Variants in DPP6 observed in about 807,000 individuals in gnomAD.
DPP6 encodes A-type potassium channel modulatory protein DPP6.
In DPP6, 69 loss-of-function variants were observed where a neutral mutation model predicts 122.6. The ratio of observed to expected loss-of-function variants is 0.56; its 90% CI spans 0.46 to 0.69. The LOEUF is 0.69. Among genes scored for constraint, DPP6 ranks in the 30% least tolerant of loss-of-function variants. The pLI is 0.00. For missense variants in DPP6, 928 were observed against 1,116.9 expected (o/e 0.83, Z 2.41); for synonymous variants, 418 against 433.1 (o/e 0.97, Z 0.43).
intron 1 of DPP6, among the ~76,000 whole-genome samples, chr7:154,396,361 C>T (rs1815085594): frequency 1.3e-5 from 2 of 152,134 alleles, no homozygotes. Context: ...TGTGCCTGCA[C>T]TTGTGAGAGC....
At chr7:153,816,471 T>C in the DPP6 span, among the ~76,000 whole-genome samples, 1 of 152,204 alleles carries the variant, frequency 6.6e-6, no homozygotes, top group African/African-American at 2.4e-5. Context: ...GTTTCCCTTA[T>C]GATTAAATAT....
chr7:154,259,062 G>T (rs1175146524), intron 1 of DPP6, among the ~76,000 whole-genome samples: 2 of 152,198 alleles, frequency 1.3e-5, no homozygotes, highest in African/African-American at 4.8e-5. Context: ...AGACATGGAT[G>T]CGTGTGGCCT....
At chr7:154,212,402 T>G (rs927797776) in intron 1 of DPP6, among the ~76,000 whole-genome samples, 5 of 152,244 alleles carry the variant, frequency 3.3e-5, no homozygotes, top group Non-Finnish European at 5.9e-5. Context: ...GGCTTCAGAA[T>G]GCTCACAAAA....
chr7:154,148,806 G>A (rs1210697698), intron 1 of DPP6, among the ~76,000 whole-genome samples: 6 of 152,196 alleles, frequency 3.9e-5, no homozygotes, highest in African/African-American at 1.4e-4. Flanking sequence ...CTGTTCTCAC[G>A]CCTGCTGAGA....
At chr7:154,153,783 T>C (rs1290398513) in intron 1 of DPP6, among the ~76,000 whole-genome samples, 1 of 152,234 alleles carries the variant, frequency 6.6e-6, no homozygotes, top group Admixed American at 6.5e-5. Context: ...GATGAACGGG[T>C]GTGACTGTGT....
intron 5 of DPP6, among the ~76,000 whole-genome samples, chr7:154,578,498 TATTCGGGCTTGGCA>T (rs1831831061): frequency 1.4e-3 from 2 of 1,406 alleles, no homozygotes; most frequent in East Asian, 0.17. Flanking sequence ...AAGCAGGGGC[TATTCGGGCTTGGCA>T]GGGGCTATTC....
chr7:153,988,165 G>A (rs1158121392), intron 1 of DPP6, among the ~76,000 whole-genome samples: 3 of 152,274 alleles, frequency 2.0e-5, no homozygotes, highest in Non-Finnish European at 2.9e-5. Context: ...TTCCCTTGAC[G>A]GAGGAGGGAG....
At chr7:153,943,183 A>G (rs1050368982) in intron 1 of DPP6, among the ~76,000 whole-genome samples, 11 of 152,220 alleles carry the variant, frequency 7.2e-5, no homozygotes, top group Admixed American at 5.9e-4. Flanking sequence ...AGAGCACGAA[A>G]TACAAAAGTC....
At chr7:154,370,244 A>G (rs1284358409) in intron 1 of DPP6, among the ~76,000 whole-genome samples, 1 of 152,074 alleles carries the variant, frequency 6.6e-6, no homozygotes, top group East Asian at 1.9e-4. Context: ...CGGCCTCCCA[A>G]ATTGCTAGGA....
At chr7:154,252,356 G>A (rs929865760) in intron 1 of DPP6, among the ~76,000 whole-genome samples, 11 of 152,220 alleles carry the variant, frequency 7.2e-5, no homozygotes, top group South Asian at 2.1e-4. Flanking sequence ...ACAGAGACCA[G>A]GGGAGCTGCC....
the DPP6 span, among the ~76,000 whole-genome samples, chr7:153,785,984 T>A: frequency 3.3e-5 from 5 of 152,184 alleles, no homozygotes; most frequent in Non-Finnish European, 7.4e-5. Context: ...GCCAAGTGTT[T>A]AAATATTTGT....
At chr7:154,211,174 C>T (rs955470557) in intron 1 of DPP6, among the ~76,000 whole-genome samples, 1 of 152,218 alleles carries the variant, frequency 6.6e-6, no homozygotes, top group African/African-American at 2.4e-5. Context: ...GCTCCTTTCT[C>T]TCTTCCTGGT....
intron 4 of DPP6, among the ~76,000 whole-genome samples, chr7:154,542,770 C>T (rs1307060457): frequency 6.6e-6 from 1 of 152,162 alleles, no homozygotes; most frequent in Non-Finnish European, 1.5e-5. Context: ...TTAAATGCTC[C>T]TGTCAACAGA....
chr7:154,093,646 A>C (rs1805087741), intron 1 of DPP6: 1 of 151,790 alleles, frequency 6.6e-6, no homozygotes. Flanking sequence ...ACACACACAC[A>C]CACACACACA....
At chr7:154,426,326 A>G (rs1488947186) in intron 1 of DPP6, among the ~76,000 whole-genome samples, 1 of 152,240 alleles carries the variant, frequency 6.6e-6, no homozygotes, top group Non-Finnish European at 1.5e-5. Context: ...TGATAGGACT[A>G]CTAGGGTCTA....
chr7:154,272,687 T>G (rs924405011), intron 1 of DPP6, among the ~76,000 whole-genome samples: 27 of 152,256 alleles, frequency 1.8e-4, no homozygotes, highest in African/African-American at 6.5e-4. Context: ...GTGAGGCCAT[T>G]AAAGTCCTTA....
intron 1 of DPP6, among the ~76,000 whole-genome samples, chr7:153,911,130 C>G (rs1800073202): frequency 6.6e-6 from 1 of 152,194 alleles, no homozygotes; most frequent in African/African-American, 2.4e-5. Flanking sequence ...TCCAGCCTGA[C>G]CCCTAGCCTT....
intron 7 of DPP6, among the ~76,000 whole-genome samples, chr7:154,705,082 T>C (rs1157673067): frequency 6.6e-6 from 1 of 152,110 alleles, no homozygotes; most frequent in African/African-American, 2.4e-5. Context: ...GCAAAGACCA[T>C]CATTATTCAG....
chr7:154,032,123 C>G lies in DPP6; in HGVS notation c.51+144389C>G, dbSNP rs71255307. On this transcript the variant is annotated intron_variant, in intron 1 of 25. Coordinates refer to the DPP6 transcript ENST00000404039. ...TCTCCTGACCTTGTGATCCTCCCGC[C>G]TCAGCCTCCCAAAGTGCTGGGATTA... Among the ~76,000 whole-genome samples the G allele has an allele frequency of 2.7e-3, 418 of 152,000 alleles. 7 individuals carry two copies. Among genetic ancestry groups the G allele is most frequent in the Admixed American group, 0.024 (360 of 15,270 alleles).
Sources: gnomAD v4.1 joint callset for allele counts (sites outside exome capture counted in the v4.1 genomes callset) on GRCh38, gnomAD v4.1.1 for gene constraint, MANE v1.5 for transcripts, NCBI Gene and HGNC (gene_info 2026-07-23, HGNC 2026-07-21) for gene names.